Variants in PAN3 observed in about 807,000 individuals in gnomAD.
The protein encoded by PAN3 is PAN2-PAN3 deadenylation complex subunit PAN3.
A neutral mutation model predicts 96.2 loss-of-function variants in PAN3; 19 were observed. The ratio of observed to expected loss-of-function variants is 0.20; its 90% confidence interval spans 0.14 to 0.29. PAN3 has a LOEUF of 0.29. Ranked by LOEUF, PAN3 falls within the 10% of genes least tolerant of loss-of-function variation. The pLI is 1.00. For synonymous variants in PAN3, 433 were observed against 406.6 expected (o/e 1.06, Z -0.78); for missense variants, 882 against 1,108.1 (o/e 0.80, Z 2.90).
chr13:28,218,806 T>A lies in PAN3; in HGVS notation c.853-1425T>A, dbSNP rs930321719. 4.5e-4 allele frequency among the ~76,000 whole-genome samples: 69 copies of A among 152,214 alleles called. 1 individual carries two copies. The highest frequency in any genetic ancestry group is 1.2e-4 in the Non-Finnish European group (8 of 68,030). Reference sequence around the variant, plus strand: ...GTTTCTCAGGAACACACTAAAAGTATTCATATTGTGTATTATTTTCCTTAT... The same window carrying A: ...GTTTCTCAGGAACACACTAAAAGTAATCATATTGTGTATTATTTTCCTTAT... On this transcript the variant is annotated intron_variant, in intron 5 of 18. Coordinates refer to ENST00000380958, the MANE Select transcript of PAN3 (RefSeq NM_175854.8).
At chr13:28,176,302 A>G (rs1874977308) in intron 2 of PAN3, among the ~76,000 whole-genome samples, 191 bp from the exon 3 acceptor site, 1 of 152,142 alleles carries the variant, frequency 6.6e-6, no homozygotes, top group Non-Finnish European at 1.5e-5. Flanking sequence ...GTAGTGAGTA[A>G]AATTTTCATT....
intron 5 of PAN3, among the ~76,000 whole-genome samples, chr13:28,198,473 A>G (rs554906959): frequency 2.6e-4 from 39 of 152,330 alleles, no homozygotes; most frequent in African/African-American, 9.1e-4. Context: ...TCATAGAGTC[A>G]TTACAAATAC....
chr13:28,177,774 G>A, intron 3 of PAN3, 91 bp from the exon 4 acceptor site: 2 of 1,005,926 alleles, frequency 2.0e-6, no homozygotes, highest in Non-Finnish European at 3.1e-6. Context: ...TGTGTCATTT[G>A]ATTTTTATAG....
intron 6 of PAN3, among the ~76,000 whole-genome samples, chr13:28,228,903 C>CA (rs1882267455): frequency 6.6e-6 from 1 of 152,126 alleles, no homozygotes; most frequent in Non-Finnish European, 1.5e-5. Flanking sequence ...CTTAATATGA[C>CA]AAAAATGTAT....
chr13:28,206,384 T>C (rs1203887398), intron 5 of PAN3, among the ~76,000 whole-genome samples: 1 of 143,186 alleles, frequency 7.0e-6, no homozygotes, highest in Non-Finnish European at 1.5e-5. Flanking sequence ...AGTGCAGTGG[T>C]GCGATCTCGG....
intron 4 of PAN3, among the ~76,000 whole-genome samples, chr13:28,194,176 C>CAA (rs934424111): frequency 7.3e-6 from 1 of 136,964 alleles, no homozygotes; most frequent in African/African-American, 2.7e-5. Context: ...GACACTGTCT[C>CAA]AAAAAAAAAA....
intron 5 of PAN3, among the ~76,000 whole-genome samples, chr13:28,201,362 A>G (rs889638649): frequency 2.6e-5 from 4 of 151,728 alleles, no homozygotes; most frequent in Non-Finnish European, 4.4e-5. Flanking sequence ...CTTTCTTTGC[A>G]TTTTTTAATA....
rs1159708661 is a variant in PAN3 at position 28,277,254 on chromosome 13, A to G, written c.2067A>G (p.Ser689=). The change falls in exon 15 of 19, where the codon TCA becomes TCG. Residue 689 remains serine, a synonymous_variant. Transcript: ENST00000380958. The part of the protein sequence containing the change: ...MAQYQQADLI[S]LGKVVLALAC... ...CATGTCAGCAAGCAGATCTGATATC[A>G]TTAGGAAAAGTTGTGTTGGCTTTGG... 1.9e-6 allele frequency: 3 copies of G among 1,611,074 alleles called. No individual in the cohort carries two copies. Among genetic ancestry groups the G allele is most frequent in the Admixed American group, 1.7e-5 (1 of 59,192 alleles).
chr13:28,261,346 A>G (rs1221492575), intron 8 of PAN3, 55 bp from the exon 9 acceptor site: 2 of 1,280,760 alleles, frequency 1.6e-6, no homozygotes, highest in Admixed American at 2.1e-5. Flanking sequence ...TATAATAGGA[A>G]TTCCAGGTTT....
At chr13:28,213,155 A>T (rs994519447) in intron 5 of PAN3, among the ~76,000 whole-genome samples, 1 of 152,224 alleles carries the variant, frequency 6.6e-6, no homozygotes, top group Admixed American at 6.5e-5. Flanking sequence ...CACCAAAAAA[A>T]TCATACTACA....
At chr13:28,198,417 C>T (rs896543592) in intron 5 of PAN3, among the ~76,000 whole-genome samples, 3 of 152,004 alleles carry the variant, frequency 2.0e-5, no homozygotes, top group Non-Finnish European at 4.4e-5. Context: ...TATATGTAAA[C>T]AAACTTGTCA....
At chr13:28,202,389 T>A (rs1878826990) in intron 5 of PAN3, among the ~76,000 whole-genome samples, 1 of 152,250 alleles carries the variant, frequency 6.6e-6, no homozygotes. Flanking sequence ...CTTACGCATA[T>A]ACAGCTTCTG....
At chr13:28,152,198 C>T (rs1871451717) in intron 1 of PAN3, among the ~76,000 whole-genome samples, 1 of 152,046 alleles carries the variant, frequency 6.6e-6, no homozygotes, top group East Asian at 1.9e-4. Flanking sequence ...TTTCATTTGA[C>T]AGGTTAAAAC....
chr13:28,182,562 T>C (rs557120554), intron 4 of PAN3, among the ~76,000 whole-genome samples: 47 of 152,304 alleles, frequency 3.1e-4, no homozygotes, highest in African/African-American at 1.1e-3. Flanking sequence ...GTTAAATTCT[T>C]TGGGGTTAGG....
At chr13:28,235,785 C>T (rs947963375) in intron 6 of PAN3, among the ~76,000 whole-genome samples, 12 of 151,328 alleles carry the variant, frequency 7.9e-5, no homozygotes, top group African/African-American at 2.7e-4. Flanking sequence ...AGCAGTGGCT[C>T]GATTGTAGCT....
chr13:28,203,966 C>T (rs1219156591), intron 5 of PAN3, among the ~76,000 whole-genome samples: 1 of 151,850 alleles, frequency 6.6e-6, no homozygotes, highest in Non-Finnish European at 1.5e-5. Flanking sequence ...CCACGCCCAG[C>T]TAATTTTTGT....
chr13:28,175,800 A>G (rs924513668), intron 2 of PAN3, among the ~76,000 whole-genome samples: 1 of 152,166 alleles, frequency 6.6e-6, no homozygotes, highest in African/African-American at 2.4e-5. Flanking sequence ...ATATTTTTGT[A>G]TTAAAATTAC....
At chr13:28,288,235 C>T (rs931477479) in intron 18 of PAN3, 113 bp downstream of exon 18, 3 of 906,714 alleles carry the variant, frequency 3.3e-6, no homozygotes, top group Admixed American at 3.2e-5. Flanking sequence ...CTTAAAGTAG[C>T]CTGTAAGACG....
At chr13:28,139,507 G>GT (rs1869342833) in intron 1 of PAN3, among the ~76,000 whole-genome samples, 9 of 111,690 alleles carry the variant, frequency 8.1e-5, no homozygotes, top group African/African-American at 4.4e-4. Flanking sequence ...AGTGGGGAGG[G>GT]GTGTGTTTGT....
Sources: gnomAD v4.1 joint callset for allele counts (sites outside exome capture counted in the v4.1 genomes callset) on GRCh38, gnomAD v4.1.1 for gene constraint, MANE v1.5 for transcripts, NCBI Gene and HGNC (gene_info 2026-07-23, HGNC 2026-07-21) for gene names.